The following ENPP6 variants were observed in gnomAD, a reference collection of about 807,000 sequenced individuals.
ENPP6 encodes ectonucleotide pyrophosphatase/phosphodiesterase 6.
Under a neutral mutation model 42.0 loss-of-function variants are expected in ENPP6, and 32 were observed. The ratio of observed to expected loss-of-function variants is 0.76; its 90% CI spans 0.58 to 1.02. The LOEUF (loss-of-function observed/expected upper bound fraction) is 1.02, where lower values mean the gene tolerates loss of function less well. Among genes scored for constraint, ENPP6 ranks in the 50% least tolerant of loss-of-function variants. The probability of loss-of-function intolerance (pLI) is 0.00; values close to 1 mark genes in which losing one functional copy is unlikely to be tolerated. For synonymous variants in ENPP6, 213 were observed against 216.0 expected (o/e 0.99, Z 0.12); for missense variants, 552 against 566.8 (o/e 0.97, Z 0.27).
chr4:184,209,421 G>A (rs1216600931), intron 1 of ENPP6, among the ~76,000 whole-genome samples: 1 of 151,532 alleles, frequency 6.6e-6, no homozygotes, highest in African/African-American at 2.4e-5. Flanking sequence ...ACCAAGGCTC[G>A]AGAACTACGT....
At chr4:184,191,793 A>G (rs556727760) in intron 1 of ENPP6, among the ~76,000 whole-genome samples, 1 of 152,368 alleles carries the variant, frequency 6.6e-6, no homozygotes, top group South Asian at 2.1e-4. Flanking sequence ...TACACAAAAA[A>G]CTTTTAACTA....
chr4:184,216,481 G>T (rs1733198096), intron 1 of ENPP6: 1 of 152,140 alleles, frequency 6.6e-6, no homozygotes, highest in African/African-American at 2.4e-5. Context: ...CAAAGTCAGA[G>T]ATATAAATGT....
chr4:184,103,941 C>T (rs149928084), intron 6 of ENPP6, among the ~76,000 whole-genome samples: 2 of 152,256 alleles, frequency 1.3e-5, no homozygotes, highest in Non-Finnish European at 2.9e-5. Context: ...GATCTGGCGA[C>T]GCAGACATTC....
chr4:184,211,219 G>T (rs1733103433), intron 1 of ENPP6, among the ~76,000 whole-genome samples: 1 of 151,912 alleles, frequency 6.6e-6, no homozygotes, highest in Admixed American at 6.6e-5. Context: ...CTAGCAGAAG[G>T]CAAGAAATAA....
chr4:184,133,698 A>G (rs942980987), intron 2 of ENPP6, among the ~76,000 whole-genome samples: 2 of 147,980 alleles, frequency 1.4e-5, no homozygotes, highest in Admixed American at 1.3e-4. Context: ...GTTTGCTGTC[A>G]TTTTTTTTTT....
chr4:184,142,069 C>T (rs1369760311), intron 2 of ENPP6, among the ~76,000 whole-genome samples: 2 of 152,224 alleles, frequency 1.3e-5, no homozygotes, highest in Non-Finnish European at 2.9e-5. Flanking sequence ...CAAGGTCTCC[C>T]GGCCTGCCAG....
At chr4:184,134,189 G>C (rs1214287635) in intron 2 of ENPP6, among the ~76,000 whole-genome samples, 2 of 148,132 alleles carry the variant, frequency 1.4e-5, no homozygotes, top group Admixed American at 1.4e-4. Flanking sequence ...ATGTTGGCCA[G>C]GCCAGTCTTG....
intron 2 of ENPP6, among the ~76,000 whole-genome samples, chr4:184,131,204 C>A (rs367895229): frequency 2.2e-5 from 1 of 45,206 alleles, no homozygotes; most frequent in South Asian, 8.0e-4. Context: ...TTTCTTTCTT[C>A]TTTCTTTCTT....
chr4:184,201,192 G>A (rs1405151300), intron 1 of ENPP6, among the ~76,000 whole-genome samples: 7 of 152,128 alleles, frequency 4.6e-5, no homozygotes, highest in Non-Finnish European at 1.0e-4. Flanking sequence ...TCATGGAGAG[G>A]GGCTCTGAAA....
At chr4:184,171,798 T>A (rs979565313) in intron 1 of ENPP6, among the ~76,000 whole-genome samples, 5 of 151,906 alleles carry the variant, frequency 3.3e-5, no homozygotes, top group Middle Eastern at 3.2e-3. Context: ...TTTTTTTTTT[T>A]AAACCCCAGT....
At chr4:184,145,076 C>T (rs757406332) in intron 2 of ENPP6, among the ~76,000 whole-genome samples, 6 of 152,232 alleles carry the variant, frequency 3.9e-5, no homozygotes, top group Non-Finnish European at 8.8e-5. Context: ...AGGTGAGCAG[C>T]CTGAGAAGGG....
At chr4:184,127,324 A>G (rs1414876703) in intron 2 of ENPP6, among the ~76,000 whole-genome samples, 1 of 152,210 alleles carries the variant, frequency 6.6e-6, no homozygotes, top group Non-Finnish European at 1.5e-5. Flanking sequence ...TCTAAGATTA[A>G]TAAAGAAGAT....
chr4:184,128,490 A>G (rs1446594553), intron 2 of ENPP6, among the ~76,000 whole-genome samples: 8 of 152,236 alleles, frequency 5.3e-5, no homozygotes, highest in African/African-American at 1.9e-4. Flanking sequence ...CAGTTAGCCT[A>G]TTTTTAAAGA....
At chr4:184,199,800 A>T (rs1732862260) in intron 1 of ENPP6, among the ~76,000 whole-genome samples, 1 of 152,138 alleles carries the variant, frequency 6.6e-6, no homozygotes. Flanking sequence ...AAAACAGGGC[A>T]AGGGACACAG....
chr4:184,205,829 A>G (rs1732987026), intron 1 of ENPP6, among the ~76,000 whole-genome samples: 1 of 152,182 alleles, frequency 6.6e-6, no homozygotes, highest in Admixed American at 6.5e-5. Flanking sequence ...ACTGTGAGAC[A>G]GAGGAAGGTC....
At chr4:184,209,140 A>C (rs1245757963) in intron 1 of ENPP6, among the ~76,000 whole-genome samples, 4 of 151,402 alleles carry the variant, frequency 2.6e-5, no homozygotes, top group East Asian at 1.9e-4. Flanking sequence ...TGGGGAAAAA[A>C]CAGAACAGAA....
At chr4:184,169,749 T>C (rs1463210372) in intron 1 of ENPP6, among the ~76,000 whole-genome samples, 1 of 152,230 alleles carries the variant, frequency 6.6e-6, no homozygotes, top group Non-Finnish European at 1.5e-5. Context: ...CAATCACCGG[T>C]GGCAAATCTC....
intron 1 of ENPP6, among the ~76,000 whole-genome samples, chr4:184,209,976 C>A (rs1380259433): frequency 9.1e-5 from 13 of 143,344 alleles, no homozygotes; most frequent in African/African-American, 3.2e-4. Context: ...ATTTCATATC[C>A]AGCCAAACTA....
intron 3 of ENPP6, among the ~76,000 whole-genome samples, chr4:184,121,110 C>A (rs1241140780): frequency 6.6e-6 from 1 of 152,164 alleles, no homozygotes; most frequent in Non-Finnish European, 1.5e-5. Flanking sequence ...ACATGAGAAC[C>A]AAGTGGGTTA....
Sources: gnomAD v4.1 joint callset for allele counts (sites outside exome capture counted in the v4.1 genomes callset) on GRCh38, gnomAD v4.1.1 for gene constraint, MANE v1.5 for transcripts, NCBI Gene and HGNC (gene_info 2026-07-23, HGNC 2026-07-21) for gene names.